RCAN2: variants seen among roughly 807,000 people sequenced by gnomAD.
RCAN2 encodes calcipressin-2.
In RCAN2, 9 loss-of-function variants were observed where a neutral mutation model predicts 23.6. That is an observed-to-expected ratio of 0.38 (90% CI 0.23 to 0.67). The LOEUF is 0.67. Among genes scored for constraint, RCAN2 ranks in the 30% least tolerant of loss-of-function variants. The pLI is 0.51. For synonymous variants in RCAN2, 109 were observed against 115.7 expected (o/e 0.94, Z 0.37); for missense variants, 273 against 302.3 (o/e 0.90, Z 0.72).
At chr6:46,401,329 T>C (rs1019259413) in intron 2 of RCAN2, among the ~76,000 whole-genome samples, 1 of 152,222 alleles carries the variant, frequency 6.6e-6, no homozygotes, top group African/African-American at 2.4e-5. Flanking sequence ...AGGGACTTTG[T>C]TGCTGATCAC....
intron 1 of RCAN2, among the ~76,000 whole-genome samples, chr6:46,463,687 G>C (rs1317877150): frequency 6.6e-6 from 1 of 152,172 alleles, no homozygotes; most frequent in Non-Finnish European, 1.5e-5. Context: ...GCTTTCTCCA[G>C]AGTTTAAATC....
intron 2 of RCAN2, among the ~76,000 whole-genome samples, chr6:46,432,979 C>CT (rs1387797268): frequency 6.6e-6 from 1 of 152,026 alleles, no homozygotes; most frequent in Admixed American, 6.6e-5. Context: ...TATTATTTTA[C>CT]TTTTTTTGGA....
chr6:46,356,473 C>G (rs553682096), intron 2 of RCAN2, among the ~76,000 whole-genome samples: 1 of 152,052 alleles, frequency 6.6e-6, no homozygotes, highest in African/African-American at 2.4e-5. Flanking sequence ...TCCTACGTGT[C>G]CTCAAATGAT....
intron 2 of RCAN2, among the ~76,000 whole-genome samples, chr6:46,454,944 C>A (rs1340396714): frequency 6.6e-6 from 1 of 152,194 alleles, no homozygotes; most frequent in Non-Finnish European, 1.5e-5. Context: ...TTAGCACCTT[C>A]CTAGGCCTCA....
At chr6:46,454,955 T>C (rs377057939) in intron 2 of RCAN2, among the ~76,000 whole-genome samples, 1 of 152,202 alleles carries the variant, frequency 6.6e-6, no homozygotes, top group African/African-American at 2.4e-5. Context: ...CTAGGCCTCA[T>C]TGTTTCAGTC....
At chr6:46,408,437 T>C (rs1375750671) in intron 2 of RCAN2, among the ~76,000 whole-genome samples, 1 of 152,178 alleles carries the variant, frequency 6.6e-6, no homozygotes, top group Non-Finnish European at 1.5e-5. Flanking sequence ...CTTCTCTATA[T>C]TGCAAAAGAA....
intron 2 of RCAN2, among the ~76,000 whole-genome samples, chr6:46,313,384 T>G (rs1253776051): frequency 6.6e-6 from 1 of 152,238 alleles, no homozygotes; most frequent in Non-Finnish European, 1.5e-5. Context: ...CAGTACCTAC[T>G]ACACACTGAG....
intron 2 of RCAN2, among the ~76,000 whole-genome samples, chr6:46,395,181 G>A (rs1488652490): frequency 6.6e-6 from 1 of 152,114 alleles, no homozygotes; most frequent in Admixed American, 6.6e-5. Flanking sequence ...AGGCATTCAG[G>A]GTGCAACTCA....
At chr6:46,480,152 A>T (rs1444816014) in intron 1 of RCAN2, among the ~76,000 whole-genome samples, 1 of 152,202 alleles carries the variant, frequency 6.6e-6, no homozygotes, top group Non-Finnish European at 1.5e-5. Context: ...TGACAAAGAG[A>T]TCATTGGTGA....
chr6:46,228,602 C>CT lies in RCAN2; in HGVS notation c.572-5302dup, dbSNP rs976362706. Among the ~76,000 whole-genome samples the CT allele has an allele frequency of 1.3e-3, 194 of 151,318 alleles. 2 individuals carry two copies. Among genetic ancestry groups the CT allele is most frequent in the African/African-American group, 4.4e-3 (183 of 41,288 alleles). On this transcript the variant is annotated intron_variant, in intron 4 of 4. Transcript: ENST00000371374. ...TCAGAGACTAGGATTGCAACCCCTG[C>CT]TTTTTTTTTGTTTTCTATTTGCTTG...
Position 46,223,053 on chromosome 6 carries a change from G to A in RCAN2, c.*88C>T. The A allele has an allele frequency of 7.0e-7, 1 of 1,437,186 alleles. No homozygotes were observed. Among genetic ancestry groups the A allele is most frequent in the Non-Finnish European group, 9.6e-7 (1 of 1,046,254 alleles). 89.0% of individuals were successfully genotyped at this position (1,437,186 alleles called of 1,614,324 possible). On this transcript the variant is annotated 3_prime_UTR_variant, in exon 5 of 5. Transcript: ENST00000371374. ...GAATCTCAAACAACCAAACACCCAG[G>A]AATTTAAAGGCAATTTTTTTTGACA...
chr6:46,316,490 G>A (rs913898309), intron 2 of RCAN2, among the ~76,000 whole-genome samples: 1 of 152,140 alleles, frequency 6.6e-6, no homozygotes, highest in Non-Finnish European at 1.5e-5. Flanking sequence ...CATGCCCTAC[G>A]TCAGCAAAGG....
At chr6:46,225,462 A>T (rs1302569259) in intron 4 of RCAN2, among the ~76,000 whole-genome samples, 5 of 152,156 alleles carry the variant, frequency 3.3e-5, no homozygotes, top group Non-Finnish European at 7.3e-5. Context: ...CTGACTTTTT[A>T]ATGATCACCA....
chr6:46,249,545 C>G lies in RCAN2; in HGVS notation c.226-649G>C, dbSNP rs536358474. Among the ~76,000 whole-genome samples, 28 of 151,486 alleles carry G rather than the reference C, an allele frequency of 1.8e-4. No individual in the cohort carries two copies. The South Asian group carries it at 5.7e-3, about 31-fold the overall frequency. On this transcript the variant is annotated intron_variant, in intron 2 of 4. Transcript: ENST00000371374. ...ATGCTGGCCAGGCTGGTCTCGAACTCCGGACCTCAAGTGATCCACCTGTCT... is the reference window on the plus strand; with the variant it reads ...ATGCTGGCCAGGCTGGTCTCGAACTGCGGACCTCAAGTGATCCACCTGTCT...
chr6:46,455,622 C>A (rs191464559), intron 2 of RCAN2, among the ~76,000 whole-genome samples: 1 of 151,634 alleles, frequency 6.6e-6, no homozygotes, highest in African/African-American at 2.4e-5. Context: ...TTTGGGAGGC[C>A]GAGGCAGGCA....
At chr6:46,382,336 T>A (rs931014991) in intron 2 of RCAN2, among the ~76,000 whole-genome samples, 4 of 152,190 alleles carry the variant, frequency 2.6e-5, no homozygotes, top group African/African-American at 7.2e-5. Context: ...GAGCTCTCAA[T>A]TGAAATGTGC....
chr6:46,447,158 G>A (rs1393537532), intron 2 of RCAN2, among the ~76,000 whole-genome samples: 3 of 151,874 alleles, frequency 2.0e-5, no homozygotes, highest in African/African-American at 7.2e-5. Flanking sequence ...CCATGTAAAT[G>A]CTAACCAAAG....
At chr6:46,226,475 T>C (rs1477446376) in intron 4 of RCAN2, among the ~76,000 whole-genome samples, 2 of 152,234 alleles carry the variant, frequency 1.3e-5, no homozygotes, top group Non-Finnish European at 2.9e-5. Context: ...CAGTGGTTTG[T>C]AGTTCTTCTT....
At chr6:46,467,186 T>C (rs876121) in intron 1 of RCAN2, among the ~76,000 whole-genome samples, 68,836 of 152,062 alleles carry the variant, frequency 0.45, 16,419 homozygotes, top group Non-Finnish European at 0.53. Context: ...TGCATAACTC[T>C]TGTAGCTACT....
Sources: allele counts gnomAD v4.1 joint callset (sites outside exome capture counted in the v4.1 genomes callset), GRCh38; gene constraint gnomAD v4.1.1; transcripts MANE v1.5; gene names NCBI Gene and HGNC (gene_info 2026-07-23, HGNC 2026-07-21).